EXOC6B: variants seen among roughly 807,000 people sequenced by gnomAD.
EXOC6B encodes the protein exocyst complex component 6B, also known as SEC15 homolog B.
In EXOC6B, 54 loss-of-function variants were observed where a neutral mutation model predicts 113.5. The observed-to-expected ratio is 0.48, with a 90% CI of 0.38 to 0.60. The LOEUF (loss-of-function observed/expected upper bound fraction) is 0.60, where lower values mean the gene tolerates loss of function less well. Ranked by LOEUF, EXOC6B falls within the 20% of genes least tolerant of loss-of-function variation. EXOC6B has a pLI of 0.00. For synonymous variants in EXOC6B, 357 were observed against 339.0 expected (o/e 1.05, Z -0.58); for missense variants, 797 against 977.5 (o/e 0.82, Z 2.46).
At chr2:72,629,800 G>A (rs1244097514) in intron 6 of EXOC6B, among the ~76,000 whole-genome samples, 1 of 152,124 alleles carries the variant, frequency 6.6e-6, no homozygotes, top group East Asian at 1.9e-4. Flanking sequence ...ATTTGTAAAT[G>A]CACCATCCAC....
intron 17 of EXOC6B, among the ~76,000 whole-genome samples, chr2:72,472,459 T>C (rs973021668): frequency 2.0e-5 from 3 of 152,170 alleles, no homozygotes; most frequent in African/African-American, 7.2e-5. Flanking sequence ...CAAGTATTCA[T>C]CCATTTCCTA....
chr2:72,288,474 AAT>A (rs1343788327), intron 20 of EXOC6B, among the ~76,000 whole-genome samples: 1 of 152,144 alleles, frequency 6.6e-6, no homozygotes, highest in African/African-American at 2.4e-5. Flanking sequence ...AATAGAGATC[AAT>A]ATAACAAAGT....
chr2:72,521,487 A>G (rs10496185), intron 8 of EXOC6B, among the ~76,000 whole-genome samples: 32,094 of 152,060 alleles, frequency 0.21, 5,377 homozygotes, highest in African/African-American at 0.47. Flanking sequence ...CTGACTTACA[A>G]TTTGCTCTGT....
At chr2:72,223,627 T>A (rs1259331501) in intron 20 of EXOC6B, among the ~76,000 whole-genome samples, 1 of 152,232 alleles carries the variant, frequency 6.6e-6, no homozygotes, top group African/African-American at 2.4e-5. Context: ...GTGTTTCTGA[T>A]TTACTATTAA....
At chr2:72,435,736 C>G (rs1695818917) in intron 18 of EXOC6B, among the ~76,000 whole-genome samples, 1 of 138,902 alleles carries the variant, frequency 7.2e-6, no homozygotes, top group South Asian at 2.2e-4. Flanking sequence ...TTTTTTTTTG[C>G]TTTCCATTTG....
chr2:72,483,046 C>A (rs1022371654), intron 16 of EXOC6B, among the ~76,000 whole-genome samples: 3 of 152,178 alleles, frequency 2.0e-5, no homozygotes, highest in Non-Finnish European at 4.4e-5. Flanking sequence ...GAGTTTTGAA[C>A]ACAAGACTAC....
intron 20 of EXOC6B, among the ~76,000 whole-genome samples, chr2:72,235,298 C>G (rs890104171): frequency 1.3e-5 from 2 of 152,260 alleles, no homozygotes; most frequent in Non-Finnish European, 2.9e-5. Flanking sequence ...AATACAGGAA[C>G]AGCAAACCAA....
chr2:72,348,842 G>A (rs1186272000), intron 19 of EXOC6B, among the ~76,000 whole-genome samples: 1 of 152,172 alleles, frequency 6.6e-6, no homozygotes. Flanking sequence ...AAAAAGCTGA[G>A]AGTCAGAAAA....
At chr2:72,713,616 T>A (rs1346295464) in intron 6 of EXOC6B, among the ~76,000 whole-genome samples, 18 of 148,718 alleles carry the variant, frequency 1.2e-4, no homozygotes, top group Admixed American at 1.2e-3. Flanking sequence ...CAGAGTGTGA[T>A]GTTCCCCTTC....
chr2:72,756,286 T>G (rs1682409306), intron 1 of EXOC6B, among the ~76,000 whole-genome samples: 1 of 152,188 alleles, frequency 6.6e-6, no homozygotes, highest in African/African-American at 2.4e-5. Flanking sequence ...CATTACTTTA[T>G]TTTGGCCTGG....
At chr2:72,780,704 A>T (rs1348487321) in intron 1 of EXOC6B, among the ~76,000 whole-genome samples, 1 of 152,180 alleles carries the variant, frequency 6.6e-6, no homozygotes, top group African/African-American at 2.4e-5. Context: ...ATCTGACACC[A>T]AATTTCATTG....
chr2:72,575,470 C>T (rs1466441693), intron 7 of EXOC6B, 22 bp downstream of exon 7: 3 of 1,592,182 alleles, frequency 1.9e-6, no homozygotes, highest in Non-Finnish European at 2.6e-6. Context: ...AGTCTCACTT[C>T]CCAACATCAA....
chr2:72,373,451 C>G (rs1379629629), intron 19 of EXOC6B, among the ~76,000 whole-genome samples: 2 of 151,990 alleles, frequency 1.3e-5, no homozygotes, highest in African/African-American at 4.8e-5. Flanking sequence ...TTATGCACAG[C>G]AAAGGAAATA....
At chr2:72,433,943 G>A (rs1346079053) in intron 18 of EXOC6B, among the ~76,000 whole-genome samples, 1 of 152,140 alleles carries the variant, frequency 6.6e-6, no homozygotes, top group East Asian at 1.9e-4. Flanking sequence ...ATACTATGCT[G>A]AATAGGAATG....
At chr2:72,183,765 T>A (rs1026777362) in intron 21 of EXOC6B, among the ~76,000 whole-genome samples, 2 of 152,008 alleles carry the variant, frequency 1.3e-5, no homozygotes, top group African/African-American at 2.4e-5. Context: ...CCGAGCCATT[T>A]TTTTTTCTCT....
chr2:72,363,884 C>G (rs552722005), intron 19 of EXOC6B, among the ~76,000 whole-genome samples: 30 of 152,184 alleles, frequency 2.0e-4, no homozygotes, highest in African/African-American at 7.2e-4. Flanking sequence ...CTACACTATC[C>G]TAGCTGAATA....
At chr2:72,312,815 C>CA (rs1391641743) in intron 20 of EXOC6B, among the ~76,000 whole-genome samples, 1 of 123,440 alleles carries the variant, frequency 8.1e-6, no homozygotes, top group Non-Finnish European at 1.9e-5. Flanking sequence ...AAAAAAAAAA[C>CA]AAAAAACAAA....
At chr2:72,327,682 CA>C (rs372968227) in intron 20 of EXOC6B, among the ~76,000 whole-genome samples, 1 of 151,954 alleles carries the variant, frequency 6.6e-6, no homozygotes, top group Non-Finnish European at 1.5e-5. Flanking sequence ...TTTGTTAAAT[CA>C]AAAAATGCCC....
At chr2:72,250,515 GT>G (rs559243287) in intron 20 of EXOC6B, among the ~76,000 whole-genome samples, 2 of 149,680 alleles carry the variant, frequency 1.3e-5, no homozygotes, top group African/African-American at 2.5e-5. Context: ...GCTAATTTTT[GT>G]TTTTTTTTGT....
Sources: allele counts gnomAD v4.1 joint callset (sites outside exome capture counted in the v4.1 genomes callset), GRCh38; gene constraint gnomAD v4.1.1; transcripts MANE v1.5; gene names NCBI Gene and HGNC (gene_info 2026-07-23, HGNC 2026-07-21).